Variants in TNKS2 observed in about 807,000 individuals in gnomAD.
TNKS2 encodes poly [ADP-ribose] polymerase tankyrase-2.
Under a neutral mutation model 137.6 loss-of-function variants are expected in TNKS2, and 72 were observed. The observed-to-expected ratio is 0.52, with a 90% CI of 0.43 to 0.64. TNKS2 has a LOEUF of 0.64. Among genes scored for constraint, TNKS2 ranks in the 30% least tolerant of loss-of-function variants. The pLI is 0.00. For synonymous variants in TNKS2, 516 were observed against 512.1 expected (o/e 1.01, Z -0.10); for missense variants, 1,049 against 1,410.2 (o/e 0.74, Z 4.10).
chr10:91,809,351 C>T (rs1033266726), intron 1 of TNKS2, among the ~76,000 whole-genome samples: 1 of 152,178 alleles, frequency 6.6e-6, no homozygotes, highest in Non-Finnish European at 1.5e-5. Flanking sequence ...ACTATCCTAA[C>T]CAAATCAGTC....
intron 20 of TNKS2, among the ~76,000 whole-genome samples, chr10:91,850,084 G>A (rs775373650): frequency 1.8e-4 from 27 of 152,196 alleles, no homozygotes; most frequent in African/African-American, 6.5e-4. Context: ...AAGAACATAT[G>A]GCCGGGTGCA....
At position 91,864,612 on chromosome 10, in the gene TNKS2, C is replaced by T. The variant is rs1304317031; in HGVS notation, c.*1613C>T. On this transcript the variant is annotated 3_prime_UTR_variant, in exon 27 of 27. Transcript: ENST00000371627. ...GAGTAAGAGTTAATCAGAGTAAATG[C>T]ATTTCTGGAGTTGTTTCTGTGATGT... The T allele has an allele frequency of 1.3e-5, 2 of 152,560 alleles. No individual in the cohort carries two copies. Among genetic ancestry groups the T allele is most frequent in the African/African-American group, 2.4e-5 (1 of 41,430 alleles). The allele number at this position is 152,560 out of a possible 1,614,324, so 9.5% of individuals were successfully genotyped here.
At chr10:91,807,198 A>G (rs1844349288) in intron 1 of TNKS2, 11 of 1,607,616 alleles carry the variant, frequency 6.8e-6, no homozygotes, top group Non-Finnish European at 9.4e-6. Flanking sequence ...TTCCATGGTA[A>G]CATTGCGGGC....
intron 16 of TNKS2, among the ~76,000 whole-genome samples, chr10:91,842,909 G>A: frequency 6.6e-6 from 1 of 152,214 alleles, no homozygotes; most frequent in South Asian, 2.1e-4. Context: ...GTTACATTCA[G>A]TAAGAACAAT....
At chr10:91,810,915 C>CTTTTCTTTTTTTTTTTTT (rs1844478726) in intron 1 of TNKS2, among the ~76,000 whole-genome samples, 1 of 76,684 alleles carries the variant, frequency 1.3e-5, no homozygotes, top group Non-Finnish European at 2.5e-5. Context: ...TCTCTCTTTT[C>CTTTTCTTTTTTTTTTTTT]TTTTCTTTTT....
In TNKS2 at chr10:91,811,186, A is replaced by G. The variant is rs192089540; in HGVS notation, c.200-1797A>G. 4.0e-4 allele frequency among the ~76,000 whole-genome samples: 60 copies of G among 151,774 alleles called. No homozygotes were observed. The South Asian group carries it at 7.1e-3, about 18-fold the overall frequency. ...TGATCTGCCCACCTGGGCCTCCCAA[A>G]GTGCTGGGATTACTGGCGTGAGCCA... On this transcript the variant is annotated intron_variant, in intron 1 of 26. Coordinates refer to ENST00000371627, the MANE Select transcript of TNKS2 (RefSeq NM_025235.4).
intron 3 of TNKS2, among the ~76,000 whole-genome samples, chr10:91,818,743 G>A (rs1844789548): frequency 6.6e-6 from 1 of 152,046 alleles, no homozygotes; most frequent in African/African-American, 2.4e-5. Flanking sequence ...ATGTTCCCCA[G>A]GCTAGTCTCT....
At position 91,813,185 on chromosome 10, in the gene TNKS2, A is replaced by G; in HGVS notation, c.402A>G (p.Lys134=). Residue 134 remains lysine, a synonymous_variant, in exon 2 of 27, where the codon AAA becomes AAG. Coordinates refer to ENST00000371627, the MANE Select transcript of TNKS2 (RefSeq NM_025235.4). ...CTCCTCTCCATGAAGCTGCAATTAA[A>G]GGAAAGATTGATGTTTGCATTGGTA... ...NYTPLHEAAI[K]GKIDVCIVLL... The G allele has an allele frequency of 6.2e-7, 1 of 1,614,176 alleles. No homozygotes were observed. Among genetic ancestry groups the G allele is most frequent in the Non-Finnish European group, 8.5e-7 (1 of 1,180,002 alleles).
chr10:91,862,171 TTGTTCATCTTC>T lies in TNKS2; in HGVS notation c.3438+17_3438+27del. 1 of 1,556,208 alleles carries T rather than the reference TTGTTCATCTTC, an allele frequency of 6.4e-7. No homozygotes were observed. The highest frequency in any genetic ancestry group is 8.7e-7 in the Non-Finnish European group (1 of 1,150,672). ...AGGAGAACAGGTAATGTAGTTTTAT[TTGTTCATCTTC>T]AAAAATGCTAGGGAGGCATACTTTA... On this transcript the variant is annotated intron_variant, in intron 26 of 26. Transcript: ENST00000371627.
At position 91,841,282 on chromosome 10, in the gene TNKS2, G is replaced by T; in HGVS notation, c.1674-1G>T. The stretch of plus-strand genomic sequence containing the variant: ...ATTATTGTTCATTTATTACTTTTCA[G>T]AGGCCTTGTACCTTTGCACAATGCA... On this transcript the variant is annotated splice_acceptor_variant, in intron 14 of 26. Coordinates refer to ENST00000371627, the MANE Select transcript of TNKS2 (RefSeq NM_025235.4). LOFTEE classifies it high-confidence loss of function. The T allele has an allele frequency of 1.3e-6, 2 of 1,505,286 alleles. No homozygotes were observed. Among genetic ancestry groups the T allele is most frequent in the South Asian group, 1.4e-5 (1 of 72,404 alleles). 93.2% of individuals were successfully genotyped at this position (1,505,286 alleles called of 1,614,324 possible).
chr10:91,821,300 C>T (rs1844883926), intron 6 of TNKS2, among the ~76,000 whole-genome samples: 1 of 151,510 alleles, frequency 6.6e-6, no homozygotes, highest in African/African-American at 2.4e-5. Flanking sequence ...CCAAAGTGCT[C>T]AGATTACAGG....
chr10:91,826,875 A>T, intron 7 of TNKS2, 142 bp from the exon 8 acceptor site: 1 of 718,412 alleles, frequency 1.4e-6, no homozygotes, highest in Non-Finnish European at 2.0e-6. Context: ...AAAAATGTAT[A>T]CTCATTCTGA....
chr10:91,849,472 A>T, intron 19 of TNKS2, 40 bp from the exon 20 acceptor site: 1 of 1,476,042 alleles, frequency 6.8e-7, no homozygotes. Context: ...CATTATTCTG[A>T]TGTGAAATTC....
At chr10:91,816,837 T>C (rs1009052442) in intron 2 of TNKS2, among the ~76,000 whole-genome samples, 1 of 152,222 alleles carries the variant, frequency 6.6e-6, no homozygotes, top group African/African-American at 2.4e-5. Flanking sequence ...ACTTGCCTTT[T>C]CCCTTACACA....
At chr10:91,814,175 G>A (rs1366682370) in intron 2 of TNKS2, among the ~76,000 whole-genome samples, 1 of 152,096 alleles carries the variant, frequency 6.6e-6, no homozygotes. Context: ...ATATGGAGGT[G>A]GAAGACAGTG....
At chr10:91,845,713 A>C in intron 17 of TNKS2, 39 bp from the exon 18 acceptor site, 1 of 1,393,084 alleles carries the variant, frequency 7.2e-7, no homozygotes, top group Non-Finnish European at 9.5e-7. Context: ...AGTGTGACAA[A>C]ATAATATTTC....
At chr10:91,799,770 C>G (rs1051907155) in intron 1 of TNKS2, among the ~76,000 whole-genome samples, 18 of 152,222 alleles carry the variant, frequency 1.2e-4, no homozygotes, top group South Asian at 2.1e-4. Context: ...AAGATGATGA[C>G]TGTTTCTAAC....
intron 23 of TNKS2, 54 bp from the exon 24 acceptor site, chr10:91,857,368 TGAA>T (rs1259611954): frequency 3.8e-5 from 48 of 1,265,110 alleles, no homozygotes; most frequent in Non-Finnish European, 5.3e-5. Context: ...TTGGTTTAGA[TGAA>T]GAAGTCAGTA....
In TNKS2 at chr10:91,809,430, G is replaced by C. The variant is rs2133593761; in HGVS notation, c.200-3553G>C. ...GCCTGTAATCCCAGCACTTTGGGAG[G>C]CCGAGGCGGGCGGATCACAAGGTCA... On this transcript the variant is annotated intron_variant, in intron 1 of 26. Transcript: ENST00000371627. Among the ~76,000 whole-genome samples the C allele has an allele frequency of 2.0e-5, 3 of 152,210 alleles. No homozygotes were observed. The East Asian group carries it at 5.8e-4, about 30-fold the overall frequency.
Sources: allele counts gnomAD v4.1 joint callset (sites outside exome capture counted in the v4.1 genomes callset), GRCh38; gene constraint gnomAD v4.1.1; transcripts MANE v1.5; gene names NCBI Gene and HGNC (gene_info 2026-07-23, HGNC 2026-07-21).